The following LRBA variants were observed in gnomAD, a reference collection of about 807,000 sequenced individuals.
The protein encoded by LRBA is LPS responsive beige-like anchor protein.
In LRBA, 176 loss-of-function variants were observed where a neutral mutation model predicts 330.0. The observed-to-expected ratio is 0.53, with a 90% CI of 0.47 to 0.60. LRBA has a LOEUF of 0.60. Among genes scored for constraint, LRBA ranks in the 20% least tolerant of loss-of-function variants. The pLI is 0.00. For synonymous variants in LRBA, 1,230 were observed against 1,193.0 expected, an observed-to-expected ratio of 1.03 and a Z score of -0.64; for missense variants, 3,259 against 3,444.8, an observed-to-expected ratio of 0.95 and a Z score of 1.35.
chr4:150,883,419 C>T (rs1344887238), intron 17 of LRBA, among the ~76,000 whole-genome samples: 4 of 152,102 alleles, frequency 2.6e-5, no homozygotes, highest in Non-Finnish European at 1.5e-5. Flanking sequence ...GAGATTGCAC[C>T]ACTGCACTCC....
At chr4:150,568,823 A>G (rs1292689443) in intron 40 of LRBA, among the ~76,000 whole-genome samples, 1 of 152,166 alleles carries the variant, frequency 6.6e-6, no homozygotes, top group Non-Finnish European at 1.5e-5. Context: ...ATTCGGTTTT[A>G]AAATGCCTTA....
At chr4:150,857,463 A>C (rs1751362190) in intron 22 of LRBA, among the ~76,000 whole-genome samples, 1 of 152,154 alleles carries the variant, frequency 6.6e-6, no homozygotes, top group Non-Finnish European at 1.5e-5. Flanking sequence ...GATCAATTTT[A>C]ATTTCTTAAA....
chr4:150,573,787 G>C (rs1317838188), intron 40 of LRBA, among the ~76,000 whole-genome samples: 1 of 152,162 alleles, frequency 6.6e-6, no homozygotes, highest in East Asian at 1.9e-4. Flanking sequence ...ATCTTCTGAT[G>C]AAAACAAGTG....
chr4:150,610,095 A>G (rs1232598689), intron 37 of LRBA, among the ~76,000 whole-genome samples: 1 of 152,126 alleles, frequency 6.6e-6, no homozygotes, highest in East Asian at 1.9e-4. Flanking sequence ...TAAAGAAAAG[A>G]ATAGAGGAGG....
At chr4:150,494,113 C>T (rs915642360) in intron 40 of LRBA, among the ~76,000 whole-genome samples, 2 of 151,968 alleles carry the variant, frequency 1.3e-5, no homozygotes, top group Non-Finnish European at 2.9e-5. Flanking sequence ...AAAATGAGGC[C>T]TAGACATGTT....
intron 47 of LRBA, among the ~76,000 whole-genome samples, chr4:150,406,870 T>C (rs1002812967): frequency 6.6e-6 from 1 of 152,108 alleles, no homozygotes; most frequent in Non-Finnish European, 1.5e-5. Context: ...AACCTCCACC[T>C]CCCAGGTTCA....
intron 2 of LRBA, among the ~76,000 whole-genome samples, chr4:150,943,631 T>C (rs1023242661): frequency 6.6e-6 from 1 of 152,318 alleles, no homozygotes; most frequent in Admixed American, 6.5e-5. Context: ...AGGTAAGTAG[T>C]TTAACTCAAC....
chr4:150,815,986 CAAAT>C (rs1412762965), intron 31 of LRBA, among the ~76,000 whole-genome samples: 1 of 151,660 alleles, frequency 6.6e-6, no homozygotes, highest in South Asian at 2.1e-4. Flanking sequence ...AGCACAATAA[CAAAT>C]AAAAGAGAAG....
In LRBA at chr4:150,866,196, A is replaced by G. The variant is rs1752665707; in HGVS notation, c.2766+1475T>C. Among the ~76,000 whole-genome samples the G allele has an allele frequency of 4.6e-5, 7 of 152,244 alleles. No individual in the cohort carries two copies. In the South Asian group the frequency reaches 1.4e-3, roughly 31 times the overall value. On this transcript the variant is annotated intron_variant, in intron 22 of 56. Transcript: ENST00000651943. The stretch of plus-strand genomic sequence containing the variant: ...TACAGTATTCCTTCTGAGTAATGAA[A>G]AAGTTCTTAAAATTCAAAAAACATA...
At chr4:150,728,407 G>A (rs1413973358) in intron 36 of LRBA, among the ~76,000 whole-genome samples, 1 of 151,874 alleles carries the variant, frequency 6.6e-6, no homozygotes, top group Non-Finnish European at 1.5e-5. Context: ...GAAAACTATA[G>A]GCCAATCTCA....
At chr4:150,344,178 G>A (rs1351851223) in intron 48 of LRBA, among the ~76,000 whole-genome samples, 1 of 152,030 alleles carries the variant, frequency 6.6e-6, no homozygotes, top group African/African-American at 2.4e-5. Context: ...ATCCTTTAGA[G>A]CAACTGCTGG....
intron 2 of LRBA, among the ~76,000 whole-genome samples, chr4:150,961,920 T>C (rs756230316): frequency 7.4e-5 from 11 of 149,148 alleles, no homozygotes; most frequent in Non-Finnish European, 1.5e-4. Context: ...CTCCATGAGA[T>C]AGGTACAATT....
intron 36 of LRBA, among the ~76,000 whole-genome samples, chr4:150,690,776 T>C (rs1192158560): frequency 2.0e-5 from 3 of 152,060 alleles, no homozygotes; most frequent in African/African-American, 7.2e-5. Context: ...GTTAAAACTA[T>C]AACATTTCCA....
At chr4:150,299,184 A>AC (rs1470148776) in intron 53 of LRBA, among the ~76,000 whole-genome samples, 1 of 152,064 alleles carries the variant, frequency 6.6e-6, no homozygotes, top group African/African-American at 2.4e-5. Context: ...CCTAAAACAC[A>AC]GAGTACTAGG....
chr4:150,338,966 TACACACACACAC>T (rs200463218), intron 48 of LRBA, among the ~76,000 whole-genome samples: 5 of 148,616 alleles, frequency 3.4e-5, no homozygotes, highest in Admixed American at 1.3e-4. Flanking sequence ...TATTTAATTA[TACACACACACAC>T]ACACACACAC....
chr4:150,385,813 C>A (rs1346447842), intron 47 of LRBA, among the ~76,000 whole-genome samples: 1 of 152,094 alleles, frequency 6.6e-6, no homozygotes, highest in African/African-American at 2.4e-5. Flanking sequence ...AAAAAGGAAG[C>A]ATTAACAGTA....
chr4:150,940,191 C>T (rs1435249418), intron 2 of LRBA, among the ~76,000 whole-genome samples: 1 of 151,746 alleles, frequency 6.6e-6, no homozygotes, highest in Non-Finnish European at 1.5e-5. Flanking sequence ...ACTGCTTGAG[C>T]CCAGGAGTTC....
At chr4:150,465,001 T>C (rs767002177) in intron 44 of LRBA, among the ~76,000 whole-genome samples, 2 of 152,082 alleles carry the variant, frequency 1.3e-5, no homozygotes, top group Non-Finnish European at 2.9e-5. Flanking sequence ...GAGAACTTTT[T>C]TCAACTTGCA....
chr4:150,506,583 T>C (rs1310469976), intron 40 of LRBA, among the ~76,000 whole-genome samples: 11 of 152,130 alleles, frequency 7.2e-5, no homozygotes, highest in Non-Finnish European at 2.9e-5. Context: ...TATCTCAAAA[T>C]AATAAGAGCT....
Sources: gnomAD v4.1 joint callset for allele counts (sites outside exome capture counted in the v4.1 genomes callset) on GRCh38, gnomAD v4.1.1 for gene constraint, MANE v1.5 for transcripts, NCBI Gene and HGNC (gene_info 2026-07-23, HGNC 2026-07-21) for gene names.